ITCH: variants seen among roughly 807,000 people sequenced by gnomAD.
The protein encoded by ITCH is itchy E3 ubiquitin protein ligase, also known as E3 ubiquitin-protein ligase Itchy homolog.
In ITCH, 28 loss-of-function variants were observed where a neutral mutation model predicts 126.8. The observed-to-expected ratio is 0.22, with a 90% CI of 0.16 to 0.30. ITCH has a LOEUF of 0.30. Among genes scored for constraint, ITCH ranks in the 10% least tolerant of loss-of-function variants. The probability of loss-of-function intolerance (pLI) is 1.00; values close to 1 mark genes in which losing one functional copy is unlikely to be tolerated. For missense variants in ITCH, 631 were observed against 1,032.4 expected (o/e 0.61, Z 5.33); for synonymous variants, 342 against 340.0 (o/e 1.01, Z -0.06).
rs142856510 is a variant in ITCH, at chr20:34,493,458, TAAG to T, written c.2416+867_2416+869del. On this transcript the variant is annotated intron_variant, in intron 23 of 24. Transcript: ENST00000374864. Reference sequence around the variant, plus strand: ...TTAAAAGATGGTGAGGACCTAGAGATAAGAAGAAATCATTGCAGCAATGATGAG... The same window carrying T: ...TTAAAAGATGGTGAGGACCTAGAGATAAGAAATCATTGCAGCAATGATGAG... Among the ~76,000 whole-genome samples, 1,179 of 152,028 alleles carry T rather than the reference TAAG, an allele frequency of 7.8e-3. 17 individuals carry two copies. Among genetic ancestry groups the T allele is most frequent in the African/African-American group, 0.027 (1,114 of 41,438 alleles).
chr20:34,503,964 T>C (rs1990459938), intron 23 of ITCH, among the ~76,000 whole-genome samples: 5 of 145,832 alleles, frequency 3.4e-5, no homozygotes, highest in African/African-American at 1.0e-4. Flanking sequence ...TCACTGCAAC[T>C]TTGCTGCACA....
At chr20:34,390,651 T>C (rs1329845026) in intron 2 of ITCH, among the ~76,000 whole-genome samples, 2 of 152,104 alleles carry the variant, frequency 1.3e-5, no homozygotes, top group Non-Finnish European at 2.9e-5. Context: ...GGTTTCACTA[T>C]GTTGGCCAGG....
At chr20:34,506,795 T>G (rs1263978700) in intron 24 of ITCH, among the ~76,000 whole-genome samples, 1 of 152,236 alleles carries the variant, frequency 6.6e-6, no homozygotes, top group Non-Finnish European at 1.5e-5. Flanking sequence ...GATTCTTTAG[T>G]ACTTCGTAAG....
At chr20:34,479,573 C>T in intron 17 of ITCH, 57 bp from the exon 18 acceptor site, 3 of 1,473,698 alleles carry the variant, frequency 2.0e-6, no homozygotes, top group South Asian at 1.1e-5. Flanking sequence ...TAGCACTGTT[C>T]TTTGATTTCT....
chr20:34,479,800 G>T lies in ITCH; in HGVS notation c.1818+11G>T. 6.2e-7 allele frequency: 1 copy of T among 1,611,610 alleles called. No individual in the cohort carries two copies. ...AGATTTATTGCCATGGTAAGTGCAG[G>T]TCAAGAATTATGTTTACTTTGCTTA... On this transcript the variant is annotated intron_variant, in intron 18 of 24. Transcript: ENST00000374864.
intron 11 of ITCH, among the ~76,000 whole-genome samples, chr20:34,448,882 G>A (rs927938062): frequency 2.6e-5 from 4 of 152,116 alleles, no homozygotes; most frequent in Non-Finnish European, 4.4e-5. Context: ...CTTCCATACA[G>A]TTCTAGGCTC....
chr20:34,419,084 A>G (rs995156171), intron 6 of ITCH, among the ~76,000 whole-genome samples: 2 of 152,088 alleles, frequency 1.3e-5, no homozygotes, highest in African/African-American at 2.4e-5. Context: ...TTCAACATGT[A>G]TGTTATGTTT....
chr20:34,413,948 A>G (rs969757246), intron 6 of ITCH, 69 bp downstream of exon 6: 3 of 1,282,140 alleles, frequency 2.3e-6, no homozygotes, highest in African/African-American at 3.0e-5. Context: ...AGTATGCTGT[A>G]TGTAATTATT....
intron 6 of ITCH, among the ~76,000 whole-genome samples, chr20:34,419,986 G>T (rs1435740628): frequency 6.6e-6 from 1 of 151,982 alleles, no homozygotes; most frequent in Non-Finnish European, 1.5e-5. Context: ...TTAATAAACA[G>T]ATTTAACGTT....
chr20:34,372,467 G>T (rs1274392326), intron 2 of ITCH, among the ~76,000 whole-genome samples: 1 of 130,832 alleles, frequency 7.6e-6, no homozygotes, highest in Non-Finnish European at 1.5e-5. Context: ...TGCAACCTCC[G>T]CCTCTCGGGT....
At chr20:34,381,431 AT>A (rs77769854) in intron 2 of ITCH, among the ~76,000 whole-genome samples, 168 of 139,552 alleles carry the variant, frequency 1.2e-3, no homozygotes, top group Middle Eastern at 3.8e-3. Context: ...TGCCTGGCTA[AT>A]TTTTTTTTTT....
intron 20 of ITCH, among the ~76,000 whole-genome samples, chr20:34,484,003 CTTG>C (rs1988940586): frequency 6.6e-6 from 1 of 152,160 alleles, no homozygotes; most frequent in East Asian, 1.9e-4. Context: ...ACCATCAGAT[CTTG>C]TGAGACTTAT....
chr20:34,503,883 TG>T lies in ITCH; in HGVS notation c.2417-446del, dbSNP rs1569012917. Among the ~76,000 whole-genome samples, 8 of 80,894 alleles carry T rather than the reference TG, an allele frequency of 9.9e-5. 1 individual carries two copies. The highest frequency in any genetic ancestry group is 1.7e-4 in the Non-Finnish European group (6 of 34,538). The allele number at this position is 80,894 out of a possible 152,430, so 53.1% of individuals were successfully genotyped here. ...TTTTTTTTTTTGGTTTTTTTTTTTT[TG>T]GTTTTTTTTTTTTTTGAGATAGGGT... is the stretch of plus-strand genomic sequence containing the variant. On this transcript the variant is annotated intron_variant, in intron 23 of 24. Coordinates refer to ENST00000374864, the MANE Select transcript of ITCH (RefSeq NM_031483.7).
chr20:34,484,954 C>G lies in ITCH; in HGVS notation c.2093+3748C>G, dbSNP rs180988406. On this transcript the variant is annotated intron_variant, in intron 20 of 24. Coordinates refer to ENST00000374864, the MANE Select transcript of ITCH (RefSeq NM_031483.7). ...CCAATGCACACCTCCCTTCTCCCAG[C>G]CCCAGAGGTAGGTAACCATTTCTGT... is the stretch of plus-strand genomic sequence containing the variant. Among the ~76,000 whole-genome samples the G allele has an allele frequency of 3.0e-3, 457 of 152,290 alleles. 1 individual carries two copies. Among genetic ancestry groups the G allele is most frequent in the African/African-American group, 0.01 (425 of 41,558 alleles).
intron 13 of ITCH, 117 bp from the exon 14 acceptor site, chr20:34,461,976 G>T: frequency 1.0e-6 from 1 of 996,644 alleles, no homozygotes; most frequent in South Asian, 1.4e-5. Flanking sequence ...CTGAATTACT[G>T]AACTGAATGG....
chr20:34,437,206 CTA>C (rs1983126156), intron 7 of ITCH, among the ~76,000 whole-genome samples: 1 of 151,896 alleles, frequency 6.6e-6, no homozygotes, highest in Non-Finnish European at 1.5e-5. Flanking sequence ...CTTTTTTTCA[CTA>C]TGTATATCAA....
chr20:34,504,031 C>T (rs190767224), intron 23 of ITCH, among the ~76,000 whole-genome samples: 48 of 151,914 alleles, frequency 3.2e-4, no homozygotes, highest in Admixed American at 2.7e-3. Context: ...CAGGCATACG[C>T]CACCACACTT....
intron 6 of ITCH, among the ~76,000 whole-genome samples, chr20:34,415,356 C>T (rs59190875): frequency 0.02 from 2,969 of 151,242 alleles, 92 homozygotes; most frequent in African/African-American, 0.059. Context: ...CCCAGGAGTT[C>T]GAGACCAGCC....
chr20:34,389,788 G>A (rs1303287951), intron 2 of ITCH, among the ~76,000 whole-genome samples: 1 of 151,730 alleles, frequency 6.6e-6, no homozygotes, highest in Non-Finnish European at 1.5e-5. Context: ...TCTTTTTAAG[G>A]GGTTATCTAT....
Sources: allele counts gnomAD v4.1 joint callset (sites outside exome capture counted in the v4.1 genomes callset), GRCh38; gene constraint gnomAD v4.1.1; transcripts MANE v1.5; gene names NCBI Gene and HGNC (gene_info 2026-07-23, HGNC 2026-07-21).